The following INPP5A variants were observed in gnomAD, a reference collection of about 807,000 sequenced individuals.
INPP5A encodes the protein inositol polyphosphate-5-phosphatase A.
Under a neutral mutation model 65.2 loss-of-function variants are expected in INPP5A, and 14 were observed. That is an observed-to-expected ratio of 0.21 (90% CI 0.14 to 0.34). The LOEUF (loss-of-function observed/expected upper bound fraction) is 0.34, where lower values mean the gene tolerates loss of function less well. Ranked by LOEUF, INPP5A falls within the 10% of genes least tolerant of loss-of-function variation. The probability of loss-of-function intolerance (pLI) is 1.00; values close to 1 mark genes in which losing one functional copy is unlikely to be tolerated. For synonymous variants in INPP5A, 207 were observed against 208.3 expected, an observed-to-expected ratio of 0.99 and a Z score of 0.05; for missense variants, 431 against 545.6, an observed-to-expected ratio of 0.79 and a Z score of 2.09.
At chr10:132,702,246 T>TA (rs201344914) in intron 6 of INPP5A, among the ~76,000 whole-genome samples, 2,201 of 152,368 alleles carry the variant, frequency 0.014, 19 homozygotes, top group Middle Eastern at 0.051. Flanking sequence ...GCAATTTATT[T>TA]AAAAATCTTA....
At chr10:132,694,222 A>G (rs1845311821) in intron 5 of INPP5A, among the ~76,000 whole-genome samples, 1 of 152,216 alleles carries the variant, frequency 6.6e-6, no homozygotes, top group Non-Finnish European at 1.5e-5. Context: ...AGCACCAGAA[A>G]AGTAGCTGGA....
At chr10:132,554,215 G>T (rs1020386159) in intron 1 of INPP5A, among the ~76,000 whole-genome samples, 1 of 152,212 alleles carries the variant, frequency 6.6e-6, no homozygotes, top group Non-Finnish European at 1.5e-5. Flanking sequence ...GGCCTCACTA[G>T]CCTGTTGTGC....
rs150136213 is a variant in INPP5A at position 132,650,645 on chromosome 10, G to A, written c.306+140G>A. 1.8e-5 allele frequency: 12 copies of A among 655,960 alleles called. No individual in the cohort carries two copies. The highest frequency in any genetic ancestry group is 3.6e-5 in the African/African-American group (2 of 55,840). 40.6% of individuals were successfully genotyped at this position (655,960 alleles called of 1,614,324 possible). A position where few individuals can be genotyped will look rare whatever the true frequency, so the allele number is the denominator to read the frequency against. On this transcript the variant is annotated intron_variant, in intron 4 of 15. Coordinates refer to ENST00000368594, the MANE Select transcript of INPP5A (RefSeq NM_005539.5). This position sits in a 1 kb window ranked among gnomAD's most constrained non-coding sequence, Gnocchi z 5.5. Reference sequence around the variant, plus strand: ...TCACGCTGCCCTGCCTGGCACTCCCGCAGCCTGCTTGGTGGTCTGCTCGTG... The same window carrying A: ...TCACGCTGCCCTGCCTGGCACTCCCACAGCCTGCTTGGTGGTCTGCTCGTG...
chr10:132,688,118 G>T (rs1845171990), intron 4 of INPP5A, among the ~76,000 whole-genome samples: 1 of 152,208 alleles, frequency 6.6e-6, no homozygotes, highest in African/African-American at 2.4e-5. Flanking sequence ...TGTGGAGTCG[G>T]CATCAAACCA....
At position 132,761,018 on chromosome 10, in the gene INPP5A, A is replaced by G. The variant is rs908765507; in HGVS notation, c.904-4755A>G. On this transcript the variant is annotated intron_variant, in intron 11 of 15. Transcript: ENST00000368594. The stretch of plus-strand genomic sequence containing the variant: ...GAGTTTGCATCCGCATAATATAAAT[A>G]CACACTTGGCAAAAGCAAAACACAA... Among the ~76,000 whole-genome samples the G allele has an allele frequency of 7.2e-5, 11 of 152,328 alleles. No individual in the cohort carries two copies. In the South Asian group the frequency reaches 1.2e-3, roughly 17 times the overall value.
rs781616735 is a variant in INPP5A, at chr10:132,777,262, T to TA, written c.978-408dup. On this transcript the variant is annotated intron_variant, in intron 12 of 15. Transcript: ENST00000368594. Reference sequence around the variant, plus strand: ...GCCACACCCCAGAGCTGCCTGCACTTACAGGCGTTTCGAGCTGATCCGGGC... The same window carrying TA: ...GCCACACCCCAGAGCTGCCTGCACTTAACAGGCGTTTCGAGCTGATCCGGGC... Among the ~76,000 whole-genome samples the TA allele has an allele frequency of 3.9e-5, 6 of 152,326 alleles. No individual in the cohort carries two copies. In the East Asian group the frequency reaches 7.7e-4, roughly 20 times the overall value.
chr10:132,686,869 C>T (rs1178892218), intron 4 of INPP5A, among the ~76,000 whole-genome samples: 1 of 152,214 alleles, frequency 6.6e-6, no homozygotes, highest in Non-Finnish European at 1.5e-5. Flanking sequence ...GGGGCATAGG[C>T]CTGCAGTTTT....
In INPP5A at chr10:132,753,356, C is replaced by T. The variant is rs748504745; in HGVS notation, c.903+3511C>T. ...TCCGTCCGCAGGATGGATGTGCCTGCGCCGGTCGCAGCCCCAAGTCCATTG... is the reference window on the plus strand; with the variant it reads ...TCCGTCCGCAGGATGGATGTGCCTGTGCCGGTCGCAGCCCCAAGTCCATTG... On this transcript the variant is annotated intron_variant, in intron 11 of 15. Coordinates refer to ENST00000368594, the MANE Select transcript of INPP5A (RefSeq NM_005539.5). This position sits in a 1 kb window ranked among gnomAD's most constrained non-coding sequence, Gnocchi z 5.3. 6.6e-5 allele frequency among the ~76,000 whole-genome samples: 10 copies of T among 152,194 alleles called. No individual in the cohort carries two copies. The highest frequency in any genetic ancestry group is 1.2e-4 in the Non-Finnish European group (8 of 68,036).
chr10:132,651,938 C>T lies in INPP5A; in HGVS notation c.306+1433C>T, dbSNP rs569881052. Among the ~76,000 whole-genome samples the T allele has an allele frequency of 6.6e-6, 1 of 152,302 alleles. No individual in the cohort carries two copies. Among genetic ancestry groups the T allele is most frequent in the Non-Finnish European group, 1.5e-5 (1 of 68,010 alleles). ...CTCTCCTCACGCTCTGTGGGGCACA[C>T]GGGGACCACGGGGCCCCCACTCACA... On this transcript the variant is annotated intron_variant, in intron 4 of 15. Transcript: ENST00000368594. This position sits in a 1 kb window ranked among gnomAD's most constrained non-coding sequence, Gnocchi z 5.0.
chr10:132,586,662 G>C (rs534922214), intron 1 of INPP5A, among the ~76,000 whole-genome samples: 2 of 152,238 alleles, frequency 1.3e-5, no homozygotes, highest in African/African-American at 4.8e-5. Context: ...TTACGGATAC[G>C]TGCGCCAGAG....
chr10:132,648,353 C>T (rs998899694), intron 3 of INPP5A, among the ~76,000 whole-genome samples: 2 of 152,250 alleles, frequency 1.3e-5, no homozygotes, highest in African/African-American at 4.8e-5. Context: ...TGTTTCCTTC[C>T]TCCGCGCTTT....
chr10:132,688,921 T>A (rs1291374696), intron 4 of INPP5A, among the ~76,000 whole-genome samples: 1 of 151,786 alleles, frequency 6.6e-6, no homozygotes, highest in African/African-American at 2.4e-5. Context: ...TGTGCATGAG[T>A]GCATGTGTGC....
Position 132,780,889 on chromosome 10 carries a change from G to A in INPP5A, c.1130G>A (p.Gly377Glu). The A allele has an allele frequency of 6.2e-7, 1 of 1,613,044 alleles. No individual in the cohort carries two copies. The highest frequency in any genetic ancestry group is 8.5e-7 in the Non-Finnish European group (1 of 1,179,834). Reference protein sequence around the residue: ...EEKVVTYDHIGPNVCMGDHKP... With the variant: ...EEKVVTYDHIEPNVCMGDHKP... The stretch of plus-strand genomic sequence containing the variant: ...AAGGTTGTCACCTATGACCACATTG[G>A]GCCCAACGTCTGCATGGGAGACCAC... The change falls in exon 14 of 16, where the codon GGG becomes GAG. Residue 377 changes from glycine to glutamate, a missense_variant. Gly to Glu is a moderately conservative substitution (Grantham distance 98). Transcript: ENST00000368594.
intron 2 of INPP5A, among the ~76,000 whole-genome samples, chr10:132,608,719 G>A (rs1458783038): frequency 6.6e-6 from 1 of 152,244 alleles, no homozygotes; most frequent in Non-Finnish European, 1.5e-5. Context: ...TTCAGGATGG[G>A]GTGGCCTGGA....
intron 2 of INPP5A, among the ~76,000 whole-genome samples, chr10:132,640,646 G>A (rs745703506): frequency 4.6e-5 from 7 of 152,272 alleles, no homozygotes; most frequent in African/African-American, 7.2e-5. Context: ...TTTGTAGTGT[G>A]TGGTTGTCCT....
rs781746456 is a variant in INPP5A, at chr10:132,616,333, C to T, written c.117+8377C>T. Among the ~76,000 whole-genome samples, 3 of 151,528 alleles carry T rather than the reference C, an allele frequency of 2.0e-5. No individual in the cohort carries two copies. The highest frequency in any genetic ancestry group is 6.6e-5 in the Admixed American group (1 of 15,228). On this transcript the variant is annotated intron_variant, in intron 2 of 15. Transcript: ENST00000368594. This position sits in a 1 kb window ranked among gnomAD's most constrained non-coding sequence, Gnocchi z 4.9. Reference sequence around the variant, plus strand: ...GTGTGGGGCATGTGGCGTGCAGGGACGCCGTGGGCGTGGTGTGGGGCACGT... The same window carrying T: ...GTGTGGGGCATGTGGCGTGCAGGGATGCCGTGGGCGTGGTGTGGGGCACGT...
At position 132,713,285 on chromosome 10, in the gene INPP5A, G is replaced by T. The variant is rs904135559; in HGVS notation, c.647+2829G>T. Among the ~76,000 whole-genome samples the T allele has an allele frequency of 2.0e-5, 3 of 152,016 alleles. 1 individual carries two copies. The highest frequency in any genetic ancestry group is 4.8e-5 in the African/African-American group (2 of 41,344). The stretch of plus-strand genomic sequence containing the variant: ...ATAAGTGTGTACCTGTCATAGCTCA[G>T]CACTGTGCATCCTGAGGAAGGGGTG... On this transcript the variant is annotated intron_variant, in intron 8 of 15. Transcript: ENST00000368594.
chr10:132,738,066 C>T (rs924926183), intron 9 of INPP5A, among the ~76,000 whole-genome samples: 2 of 152,168 alleles, frequency 1.3e-5, no homozygotes, highest in Admixed American at 1.3e-4. Context: ...GGACTCTGTT[C>T]GAGGAACTGT....
rs1041280773 is a variant in INPP5A, at chr10:132,537,791, G to A, written c.-306G>A. The A allele has an allele frequency of 8.2e-6, 3 of 366,230 alleles. No individual in the cohort carries two copies. Among genetic ancestry groups the A allele is most frequent in the African/African-American group, 4.2e-5 (2 of 47,098 alleles). The allele number at this position is 366,230 out of a possible 1,614,324, so 22.7% of individuals were successfully genotyped here. On this transcript the variant is annotated 5_prime_UTR_variant, in exon 1 of 16. Coordinates refer to ENST00000368594, the MANE Select transcript of INPP5A (RefSeq NM_005539.5). The stretch of plus-strand genomic sequence containing the variant: ...GGCTCGGCTCCGCGGGGCGGGACTT[G>A]CCCTCAGCCTGAGTCGGCGGCGGCT...
Sources: gnomAD v4.1 joint callset for allele counts (sites outside exome capture counted in the v4.1 genomes callset) on GRCh38, gnomAD v4.1.1 for gene constraint, Gnocchi (gnomAD v3.1) non-coding constraint, MANE v1.5 for transcripts, NCBI Gene and HGNC (gene_info 2026-07-23, HGNC 2026-07-21) for gene names.